Variants in PPARGC1A observed in about 807,000 individuals in gnomAD.
PPARGC1A encodes peroxisome proliferator-activated receptor gamma coactivator 1-alpha.
Under a neutral mutation model 88.7 loss-of-function variants are expected in PPARGC1A, and 25 were observed. The ratio of observed to expected loss-of-function variants is 0.28; its 90% CI spans 0.21 to 0.39. The LOEUF (loss-of-function observed/expected upper bound fraction) is 0.39. Ranked by LOEUF, PPARGC1A falls within the 10% of genes least tolerant of loss-of-function variation. The probability of loss-of-function intolerance (pLI) is 1.00; values close to 1 mark genes in which losing one functional copy is unlikely to be tolerated. For missense variants in PPARGC1A, 880 were observed against 968.7 expected, an observed-to-expected ratio of 0.91 and a Z score of 1.22; for synonymous variants, 363 against 355.6, an observed-to-expected ratio of 1.02 and a Z score of -0.24.
At chr4:23,866,388 CT>C (rs1712002959) in intron 2 of PPARGC1A, 1 of 152,128 alleles carries the variant, frequency 6.6e-6, no homozygotes, top group African/African-American at 2.4e-5. Flanking sequence ...ATAAAATCCT[CT>C]TTTTATAACC....
At chr4:24,282,152 T>C in the PPARGC1A span, among the ~76,000 whole-genome samples, 1 of 152,230 alleles carries the variant, frequency 6.6e-6, no homozygotes, top group Non-Finnish European at 1.5e-5. Flanking sequence ...ATTAGGAAAC[T>C]GACACTCAGA....
the PPARGC1A span, among the ~76,000 whole-genome samples, chr4:24,294,397 T>C: frequency 2.0e-5 from 3 of 152,326 alleles, no homozygotes; most frequent in South Asian, 6.2e-4. Context: ...TTTTATGAGC[T>C]TTCCTTTCTG....
At chr4:24,288,983 A>G in the PPARGC1A span, among the ~76,000 whole-genome samples, 1 of 152,136 alleles carries the variant, frequency 6.6e-6, no homozygotes. Flanking sequence ...GCACTTTGGG[A>G]GGCCAAGGTG....
At chr4:24,141,624 C>T in the PPARGC1A span, among the ~76,000 whole-genome samples, 2 of 152,216 alleles carry the variant, frequency 1.3e-5, no homozygotes, top group African/African-American at 2.4e-5. Context: ...ACAGCTATCT[C>T]ACTACAAGCT....
the PPARGC1A span, among the ~76,000 whole-genome samples, chr4:24,258,419 C>T: frequency 6.6e-6 from 1 of 152,142 alleles, no homozygotes; most frequent in Non-Finnish European, 1.5e-5. Context: ...CACAATGCAT[C>T]TTGACTACCC....
At chr4:24,092,596 C>G in the PPARGC1A span, among the ~76,000 whole-genome samples, 1 of 152,144 alleles carries the variant, frequency 6.6e-6, no homozygotes, top group Admixed American at 6.5e-5. Context: ...TTCACTACCT[C>G]CCAAGACAGT....
chr4:23,962,413 C>G, the PPARGC1A span, among the ~76,000 whole-genome samples: 29 of 152,240 alleles, frequency 1.9e-4, no homozygotes, highest in Admixed American at 1.1e-3. Flanking sequence ...CCAAACAATT[C>G]TCTAGCAAGA....
At chr4:24,354,604 T>A in the PPARGC1A span, among the ~76,000 whole-genome samples, 1 of 152,282 alleles carries the variant, frequency 6.6e-6, no homozygotes, top group East Asian at 1.9e-4. Context: ...ACCACCCTTT[T>A]GGCTGGGTGC....
chr4:23,824,101 T>A (rs933275575), intron 7 of PPARGC1A, among the ~76,000 whole-genome samples, 179 bp downstream of exon 7: 14 of 131,670 alleles, frequency 1.1e-4, no homozygotes, highest in African/African-American at 3.6e-4. Flanking sequence ...TTCAATATTT[T>A]TTATTAGTTT....
chr4:23,997,057 G>A, the PPARGC1A span, among the ~76,000 whole-genome samples: 2 of 152,186 alleles, frequency 1.3e-5, no homozygotes, highest in Non-Finnish European at 2.9e-5. Flanking sequence ...AAGAATCATG[G>A]TAGTATATGT....
At chr4:24,451,883 T>C in the PPARGC1A span, among the ~76,000 whole-genome samples, 1 of 152,178 alleles carries the variant, frequency 6.6e-6, no homozygotes, top group Non-Finnish European at 1.5e-5. Context: ...GCTGTGATGG[T>C]TAATTTTATG....
At chr4:23,918,236 T>C in the PPARGC1A span, among the ~76,000 whole-genome samples, 5 of 152,012 alleles carry the variant, frequency 3.3e-5, no homozygotes, top group African/African-American at 1.2e-4. Context: ...TTTCTTTTTT[T>C]TGGGGGGATG....
chr4:24,260,391 T>A, the PPARGC1A span, among the ~76,000 whole-genome samples: 1 of 152,224 alleles, frequency 6.6e-6, no homozygotes, highest in African/African-American at 2.4e-5. Flanking sequence ...ACACTCCACT[T>A]GGGTCTCTAA....
At chr4:24,116,735 A>T in the PPARGC1A span, among the ~76,000 whole-genome samples, 3 of 152,202 alleles carry the variant, frequency 2.0e-5, no homozygotes, top group Non-Finnish European at 4.4e-5. Context: ...AGACAGAATC[A>T]TGGCTTCTAT....
chr4:24,009,651 A>C, the PPARGC1A span, among the ~76,000 whole-genome samples: 1 of 152,218 alleles, frequency 6.6e-6, no homozygotes, highest in African/African-American at 2.4e-5. Context: ...GAAGGTCTTA[A>C]GGGACAGTTT....
the PPARGC1A span, among the ~76,000 whole-genome samples, chr4:24,048,065 C>G: frequency 6.6e-6 from 1 of 152,270 alleles, no homozygotes; most frequent in East Asian, 1.9e-4. Flanking sequence ...ATGTTACAAC[C>G]TCTCAGGTGC....
the PPARGC1A span, among the ~76,000 whole-genome samples, chr4:23,910,324 ATT>A: frequency 2.3e-5 from 1 of 43,740 alleles, no homozygotes; most frequent in Non-Finnish European, 3.6e-5. Flanking sequence ...TATTATATAT[ATT>A]ATATATTATA....
At chr4:23,844,364 A>C (rs994774441) in intron 2 of PPARGC1A, among the ~76,000 whole-genome samples, 1 of 136,426 alleles carries the variant, frequency 7.3e-6, no homozygotes, top group Non-Finnish European at 1.5e-5. Flanking sequence ...ATAATCTATA[A>C]TATATTATAG....
At chr4:23,845,050 T>C (rs1577486115) in intron 2 of PPARGC1A, among the ~76,000 whole-genome samples, 1 of 151,236 alleles carries the variant, frequency 6.6e-6, no homozygotes, top group Non-Finnish European at 1.5e-5. Flanking sequence ...GGTTTACGTA[T>C]AGGTATAAGC....
Sources: gnomAD v4.1 joint callset for allele counts (sites outside exome capture counted in the v4.1 genomes callset) on GRCh38, gnomAD v4.1.1 for gene constraint, MANE v1.5 for transcripts, NCBI Gene and HGNC (gene_info 2026-07-23, HGNC 2026-07-21) for gene names.